NFIB: variants seen among roughly 807,000 people sequenced by gnomAD.
The protein encoded by NFIB is nuclear factor 1 B-type.
A neutral mutation model predicts 61.5 loss-of-function variants in NFIB; 11 were observed. That is an observed-to-expected ratio of 0.18 (90% CI 0.11 to 0.30). NFIB has a LOEUF of 0.30. NFIB is among the 10% of genes least tolerant of loss of function. The pLI is 1.00. For synonymous variants in NFIB, 260 were observed against 216.5 expected (o/e 1.20, Z -1.76); for missense variants, 471 against 608.9 (o/e 0.77, Z 2.38).
chr9:14,230,734 A>C (rs2053024498), intron 2 of NFIB, among the ~76,000 whole-genome samples: 1 of 152,310 alleles, frequency 6.6e-6, no homozygotes, highest in South Asian at 2.1e-4. Context: ...AAGAGGAAGC[A>C]GGTTGTACAG....
intron 2 of NFIB, among the ~76,000 whole-genome samples, chr9:14,292,592 A>G (rs1209199555): frequency 6.6e-6 from 1 of 152,204 alleles, no homozygotes; most frequent in Non-Finnish European, 1.5e-5. Flanking sequence ...CTCTAGGCCA[A>G]TTCTCTTCCC....
At chr9:14,155,022 C>T (rs551559447) in intron 4 of NFIB, among the ~76,000 whole-genome samples, 18 of 152,198 alleles carry the variant, frequency 1.2e-4, no homozygotes, top group Non-Finnish European at 1.9e-4. Flanking sequence ...AACATCACTC[C>T]GAAGTGTGAT....
chr9:14,472,053 A>G, the NFIB span, among the ~76,000 whole-genome samples: 1 of 152,286 alleles, frequency 6.6e-6, no homozygotes, highest in Admixed American at 6.5e-5. Flanking sequence ...GCATTTTCAC[A>G]CATGTAGAAA....
chr9:14,474,852 A>G, the NFIB span, among the ~76,000 whole-genome samples: 1 of 152,202 alleles, frequency 6.6e-6, no homozygotes, highest in African/African-American at 2.4e-5. Flanking sequence ...CTGATGGCTC[A>G]AGAACCAGGA....
upstream of NFIB, among the ~76,000 whole-genome samples, chr9:14,316,425 C>T (rs1158897240): frequency 6.6e-6 from 1 of 152,144 alleles, no homozygotes; most frequent in African/African-American, 2.4e-5. Context: ...TCGCGCGGAC[C>T]CCTGCGAGTT....
chr9:14,397,013 T>G (rs967690058), intron 1 of NFIB, among the ~76,000 whole-genome samples: 4 of 152,194 alleles, frequency 2.6e-5, no homozygotes, highest in Non-Finnish European at 5.9e-5. Context: ...GGATAAGAGA[T>G]CCTAACGAAG....
At chr9:14,497,591 G>A in the NFIB span, among the ~76,000 whole-genome samples, 1 of 152,160 alleles carries the variant, frequency 6.6e-6, no homozygotes, top group African/African-American at 2.4e-5. Flanking sequence ...TAGCAAATGA[G>A]GCACTTTACA....
chr9:14,459,623 C>T, the NFIB span, among the ~76,000 whole-genome samples: 4 of 152,022 alleles, frequency 2.6e-5, no homozygotes, highest in African/African-American at 4.8e-5. Context: ...ACTCATCTGA[C>T]AAAGGGCTAA....
intron 1 of NFIB, among the ~76,000 whole-genome samples, chr9:14,397,833 T>G (rs1204122585): frequency 6.6e-6 from 1 of 152,204 alleles, no homozygotes; most frequent in Non-Finnish European, 1.5e-5. Context: ...AGAGAAGATA[T>G]AATGGGTACG....
intron 2 of NFIB, among the ~76,000 whole-genome samples, chr9:14,262,994 T>A (rs1298457910): frequency 2.6e-5 from 4 of 151,928 alleles, no homozygotes; most frequent in African/African-American, 9.7e-5. Flanking sequence ...AGGTCAGGAG[T>A]CTAAAACTGT....
intron 3 of NFIB, among the ~76,000 whole-genome samples, chr9:14,173,180 C>T (rs2045761851): frequency 6.6e-6 from 1 of 152,152 alleles, no homozygotes; most frequent in Non-Finnish European, 1.5e-5. Flanking sequence ...GTCAGGTGTG[C>T]TCCCCTATGT....
chr9:14,315,165 C>T (rs1333598229), upstream of NFIB, among the ~76,000 whole-genome samples: 1 of 151,840 alleles, frequency 6.6e-6, no homozygotes, highest in African/African-American at 2.4e-5. Context: ...GTGCGGCGCC[C>T]AGCCCCCGAC....
chr9:14,350,702 T>C lies in NFIB; in HGVS notation c.109-43182A>G, dbSNP rs1283003117. The stretch of plus-strand genomic sequence containing the variant: ...AAAAAATTCCTCTTTCTTTTTAAAA[T>C]GTAAATGCAGATACCTTATGGGCGC... On this transcript the variant is annotated intron_variant, in intron 1 of 8. Coordinates refer to the NFIB transcript ENST00000380934. Among the ~76,000 whole-genome samples the C allele has an allele frequency of 3.9e-5, 6 of 152,158 alleles. No individual in the cohort carries two copies. The South Asian group carries it at 1.2e-3, about 32-fold the overall frequency.
intron 3 of NFIB, among the ~76,000 whole-genome samples, chr9:14,174,759 T>C (rs933149440): frequency 7.9e-6 from 1 of 125,876 alleles, no homozygotes; most frequent in Non-Finnish European, 1.6e-5. Flanking sequence ...AGAGTGAGAC[T>C]CCATCTCAAA....
the NFIB span, among the ~76,000 whole-genome samples, chr9:14,410,496 G>A: frequency 6.6e-6 from 1 of 152,148 alleles, no homozygotes; most frequent in African/African-American, 2.4e-5. Context: ...AAGAGTTACA[G>A]TTCATCAGAG....
chr9:14,329,802 C>A (rs1330683566), intron 1 of NFIB, among the ~76,000 whole-genome samples: 1 of 151,500 alleles, frequency 6.6e-6, no homozygotes, highest in African/African-American at 2.4e-5. Flanking sequence ...CGTGAGCCAC[C>A]ACGCCCAGCC....
At chr9:14,346,794 T>C (rs990666489) in intron 1 of NFIB, among the ~76,000 whole-genome samples, 3 of 152,106 alleles carry the variant, frequency 2.0e-5, no homozygotes, top group Admixed American at 6.5e-5. Context: ...GGGGATCTTT[T>C]CTATCTCTAA....
upstream of NFIB, chr9:14,314,683 C>T (rs896742025): frequency 6.6e-6 from 1 of 151,544 alleles, no homozygotes; most frequent in Non-Finnish European, 1.5e-5. Context: ...GCACCAGCCT[C>T]TCCACACCCC....
intron 3 of NFIB, among the ~76,000 whole-genome samples, chr9:14,172,025 G>C (rs530938320): frequency 6.6e-6 from 1 of 152,094 alleles, no homozygotes; most frequent in South Asian, 2.1e-4. Context: ...TCAGAGGCAC[G>C]GGCAAAGTTT....
Sources: allele counts gnomAD v4.1 joint callset (sites outside exome capture counted in the v4.1 genomes callset), GRCh38; gene constraint gnomAD v4.1.1; transcripts MANE v1.5; gene names NCBI Gene and HGNC (gene_info 2026-07-23, HGNC 2026-07-21).